The following ZMYM5 variants were observed in gnomAD, a reference collection of about 807,000 sequenced individuals.
The protein encoded by ZMYM5 is zinc finger MYM-type containing 5.
A neutral mutation model predicts 61.8 loss-of-function variants in ZMYM5; 41 were observed. That is an observed-to-expected ratio of 0.66 (90% CI 0.52 to 0.86). ZMYM5 has a LOEUF of 0.86. Among genes scored for constraint, ZMYM5 ranks in the 40% least tolerant of loss-of-function variants. The probability of loss-of-function intolerance (pLI) is 0.00; values close to 1 mark genes in which losing one functional copy is unlikely to be tolerated. For missense variants in ZMYM5, 706 were observed against 786.7 expected (o/e 0.90, Z 1.23); for synonymous variants, 257 against 276.4 (o/e 0.93, Z 0.70).
In ZMYM5 at chr13:19,851,390, A is replaced by G. The variant is rs1953289133; in HGVS notation, c.551T>C (p.Phe184Ser). 1 of 1,614,070 alleles carries G rather than the reference A, an allele frequency of 6.2e-7. No homozygotes were observed. The highest frequency in any genetic ancestry group is 1.3e-5 in the African/African-American group (1 of 74,938). The part of the protein sequence containing the change: ...PGRMNVAGDL[F>S]QNGEFATHHS... Reference sequence around the variant, plus strand: ...ATGAGTTGCAAATTCTCCATTCTGAAATAAGTCTCCTGCCACATTCATTCT... The same window carrying G: ...ATGAGTTGCAAATTCTCCATTCTGAGATAAGTCTCCTGCCACATTCATTCT... The change falls in exon 4 of 8, where the codon TTT (phenylalanine) becomes TCT (serine). Residue 184 changes from phenylalanine (F) to serine (S), a missense_variant. This residue lies in a region of ZMYM5 where 480 missense variants were observed against 461.7 expected (regional missense o/e 1.04). Coordinates refer to ENST00000337963, the MANE Select transcript of ZMYM5 (RefSeq NM_001142684.2).
chr13:19,829,388 C>A (rs866039021), intron 7 of ZMYM5, among the ~76,000 whole-genome samples: 1 of 152,130 alleles, frequency 6.6e-6, no homozygotes, highest in Non-Finnish European at 1.5e-5. Flanking sequence ...ACCTCCCAGG[C>A]TCAAGTGATC....
intron 4 of ZMYM5, among the ~76,000 whole-genome samples, chr13:19,844,252 G>C (rs1276103130): frequency 1.3e-5 from 2 of 152,114 alleles, no homozygotes; most frequent in African/African-American, 4.8e-5. Flanking sequence ...GGAGGTTGCA[G>C]TGAGCCGAGA....
At chr13:19,839,767 C>T (rs1027840144) in intron 4 of ZMYM5, among the ~76,000 whole-genome samples, 2 of 152,164 alleles carry the variant, frequency 1.3e-5, no homozygotes, top group Admixed American at 6.6e-5. Flanking sequence ...AGTACACTTA[C>T]TTTCAAAATA....
intron 2 of ZMYM5, among the ~76,000 whole-genome samples, chr13:19,857,852 AC>A (rs1430086159): frequency 6.6e-6 from 1 of 151,796 alleles, no homozygotes; most frequent in African/African-American, 2.4e-5. Flanking sequence ...ACCCCTCTCT[AC>A]AAAAATTTAA....
intron 4 of ZMYM5, among the ~76,000 whole-genome samples, chr13:19,849,402 G>T (rs988203318): frequency 6.6e-6 from 1 of 152,060 alleles, no homozygotes; most frequent in Non-Finnish European, 1.5e-5. Context: ...GACATTACAG[G>T]GGTGTGCCAC....
intron 4 of ZMYM5, among the ~76,000 whole-genome samples, chr13:19,844,162 G>C (rs1023672743): frequency 6.8e-6 from 1 of 147,088 alleles, no homozygotes; most frequent in African/African-American, 2.6e-5. Context: ...AAAAAAATTA[G>C]CTAGGTGTGG....
At chr13:19,835,717 T>A in intron 6 of ZMYM5, 28 bp from the exon 7 acceptor site, 1 of 1,355,556 alleles carries the variant, frequency 7.4e-7, no homozygotes, top group Non-Finnish European at 9.9e-7. Context: ...ATTCATTAAC[T>A]AAGATATATG....
In ZMYM5 at chr13:19,837,351, A is replaced by G. The variant is rs1316004074; in HGVS notation, c.1038+305T>C. The G allele has an allele frequency of 7.3e-6, 9 of 1,234,778 alleles. No homozygotes were observed. In the African/African-American group the frequency reaches 8.1e-5, roughly 11 times the overall value. The allele number at this position is 1,234,778 out of a possible 1,614,324, so 76.5% of individuals were successfully genotyped here. A position where few individuals can be genotyped will look rare whatever the true frequency, so the allele number is the denominator to read the frequency against. ...GTAGTTTTCCAGCCCTTGACCCCCA[A>G]CTCTTGAGACTACATTTTTATTTAA... On this transcript the variant is annotated intron_variant, in intron 6 of 7. Coordinates refer to ENST00000337963, the MANE Select transcript of ZMYM5 (RefSeq NM_001142684.2).
chr13:19,838,551 T>C, intron 5 of ZMYM5, 149 bp downstream of exon 5: 2 of 993,832 alleles, frequency 2.0e-6, no homozygotes, highest in Admixed American at 2.8e-5. Context: ...ACAGCTTGGA[T>C]ATATTCTAGG....
At chr13:19,842,623 T>C (rs903040108) in intron 4 of ZMYM5, among the ~76,000 whole-genome samples, 5 of 151,244 alleles carry the variant, frequency 3.3e-5, no homozygotes, top group African/African-American at 9.7e-5. Flanking sequence ...GACTATCCTT[T>C]TGACAGATGA....
At chr13:19,835,855 ACT>A (rs1433323936) in intron 6 of ZMYM5, among the ~76,000 whole-genome samples, 166 bp from the exon 7 acceptor site, 11 of 151,458 alleles carry the variant, frequency 7.3e-5, no homozygotes, top group African/African-American at 2.7e-4. Flanking sequence ...ATAGAGTCTC[ACT>A]CTGTCACTCA....
At chr13:19,829,026 C>G (rs1891068462) in intron 7 of ZMYM5, among the ~76,000 whole-genome samples, 1 of 152,090 alleles carries the variant, frequency 6.6e-6, no homozygotes, top group African/African-American at 2.4e-5. Flanking sequence ...GGGAGGATCA[C>G]TTGAGCTGGA....
rs904354322 is a variant in ZMYM5 at position 19,829,673 on chromosome 13, T to C, written c.1252-4438A>G. 5.3e-5 allele frequency among the ~76,000 whole-genome samples: 8 copies of C among 152,186 alleles called. No homozygotes were observed. In the East Asian group the frequency reaches 5.8e-4, roughly 11 times the overall value. On this transcript the variant is annotated intron_variant, in intron 7 of 7. Coordinates refer to ENST00000337963, the MANE Select transcript of ZMYM5 (RefSeq NM_001142684.2). ...TCACAGGTATGATCCTAGTGCACTG[T>C]AGCCTCAAACGCCTGGGCTCAATTG...
At chr13:19,852,856 G>A (rs1009170624) in intron 2 of ZMYM5, among the ~76,000 whole-genome samples, 6 of 152,090 alleles carry the variant, frequency 3.9e-5, no homozygotes, top group African/African-American at 1.2e-4. Flanking sequence ...CTAAAAATTC[G>A]TTTTCTTTTG....
intron 6 of ZMYM5, among the ~76,000 whole-genome samples, chr13:19,837,024 G>GTTT (rs11449895): frequency 6.3e-5 from 9 of 143,890 alleles, no homozygotes; most frequent in Non-Finnish European, 9.2e-5. Context: ...GTTGTTTTTT[G>GTTT]TTTTTTTTTT....
intron 7 of ZMYM5, among the ~76,000 whole-genome samples, chr13:19,833,284 GT>G: frequency 6.6e-6 from 1 of 152,222 alleles, no homozygotes; most frequent in South Asian, 2.1e-4. Context: ...AATATTTCCA[GT>G]TTTACATTAT....
chr13:19,846,754 C>G (rs920228908), intron 4 of ZMYM5, among the ~76,000 whole-genome samples: 1 of 149,770 alleles, frequency 6.7e-6, no homozygotes, highest in South Asian at 2.1e-4. Context: ...ACAGTCCCCC[C>G]CTTTTTTTTA....
At chr13:19,831,787 CAAAAAAAAAAAA>C (rs1190448216) in intron 7 of ZMYM5, among the ~76,000 whole-genome samples, 1 of 36,690 alleles carries the variant, frequency 2.7e-5, no homozygotes, top group South Asian at 2.0e-3. Flanking sequence ...GACTCTGTCT[CAAAAAAAAAAAA>C]AAAAAAAAAA....
At chr13:19,844,695 C>T (rs1272239169) in intron 4 of ZMYM5, among the ~76,000 whole-genome samples, 1 of 152,168 alleles carries the variant, frequency 6.6e-6, no homozygotes, top group Non-Finnish European at 1.5e-5. Context: ...AATATCGGCT[C>T]ACTGCAATCT....
Sources: gnomAD v4.1 joint callset for allele counts (sites outside exome capture counted in the v4.1 genomes callset) on GRCh38, gnomAD v4.1.1 for gene constraint, gnomAD v4.1.1 regional missense constraint, MANE v1.5 for transcripts, NCBI Gene and HGNC (gene_info 2026-07-23, HGNC 2026-07-21) for gene names.